SNX4: variants seen among roughly 807,000 people sequenced by gnomAD.
SNX4 encodes sorting nexin 4.
SNX4 carries 49 observed loss-of-function variants against 70.8 expected under a neutral mutation model. The observed-to-expected ratio is 0.69, with a 90% confidence interval of 0.55 to 0.88. The LOEUF (loss-of-function observed/expected upper bound fraction) is 0.88, where lower values mean the gene tolerates loss of function less well. Ranked by LOEUF, SNX4 falls within the 40% of genes least tolerant of loss-of-function variation. The pLI, the probability that SNX4 is intolerant of heterozygous loss-of-function variation, is 0.00. For missense variants in SNX4, 528 were observed against 544.8 expected (o/e 0.97, Z 0.31); for synonymous variants, 206 against 183.8 (o/e 1.12, Z -0.98).
intron 11 of SNX4, among the ~76,000 whole-genome samples, chr3:125,454,234 T>A (rs569396778): frequency 6.6e-6 from 1 of 152,114 alleles, no homozygotes; most frequent in South Asian, 2.1e-4. Flanking sequence ...AGCCACGGAG[T>A]GATACCAGTC....
intron 11 of SNX4, 75 bp from the exon 12 acceptor site, chr3:125,454,030 C>T (rs1933647952): frequency 3.1e-6 from 4 of 1,299,086 alleles, no homozygotes; most frequent in Admixed American, 4.2e-5. Context: ...GAACATTATT[C>T]AGCCTTTAAA....
At chr3:125,501,696 G>A (rs1039244358) in intron 2 of SNX4, among the ~76,000 whole-genome samples, 3 of 151,718 alleles carry the variant, frequency 2.0e-5, no homozygotes, top group African/African-American at 7.3e-5. Flanking sequence ...TAAAATCCTG[G>A]GCCCTACCCC....
At chr3:125,504,841 T>C in intron 1 of SNX4, 97 bp from the exon 2 acceptor site, 1 of 1,353,854 alleles carries the variant, frequency 7.4e-7, no homozygotes, top group Non-Finnish European at 9.8e-7. Context: ...TTATTGGGTT[T>C]ATATATTTCA....
intron 1 of SNX4, 74 bp from the exon 2 acceptor site, chr3:125,504,818 T>A (rs1935012280): frequency 2.0e-6 from 3 of 1,497,770 alleles, no homozygotes; most frequent in Non-Finnish European, 2.7e-6. Flanking sequence ...CTCAGCTATA[T>A]AAATTAAACC....
intron 1 of SNX4, among the ~76,000 whole-genome samples, chr3:125,510,233 G>A (rs1022555704): frequency 6.6e-6 from 1 of 151,740 alleles, no homozygotes; most frequent in African/African-American, 2.4e-5. Flanking sequence ...CAGATGAATG[G>A]ATTTTTTTTT....
chr3:125,470,695 T>C (rs576030256), intron 8 of SNX4, among the ~76,000 whole-genome samples: 54 of 152,042 alleles, frequency 3.6e-4, no homozygotes, highest in African/African-American at 1.3e-3. Context: ...GAATGAAAAA[T>C]ATTAATTACA....
At chr3:125,514,033 G>A (rs1422837316) in intron 1 of SNX4, among the ~76,000 whole-genome samples, 1 of 136,350 alleles carries the variant, frequency 7.3e-6, no homozygotes, top group African/African-American at 2.6e-5. Flanking sequence ...GAGACTTCTG[G>A]ATTTTTTTTT....
At chr3:125,508,811 T>C (rs1002586776) in intron 1 of SNX4, among the ~76,000 whole-genome samples, 1 of 151,904 alleles carries the variant, frequency 6.6e-6, no homozygotes, top group African/African-American at 2.4e-5. Context: ...AAACTGAATA[T>C]CTACATACAA....
At chr3:125,516,669 C>T (rs1355464288) in intron 1 of SNX4, among the ~76,000 whole-genome samples, 1 of 152,094 alleles carries the variant, frequency 6.6e-6, no homozygotes, top group Non-Finnish European at 1.5e-5. Flanking sequence ...GGTGAAACCC[C>T]CTCTTTACTA....
At chr3:125,476,532 T>C (rs888297323) in intron 8 of SNX4, among the ~76,000 whole-genome samples, 163 bp downstream of exon 8, 1 of 152,066 alleles carries the variant, frequency 6.6e-6, no homozygotes, top group African/African-American at 2.4e-5. Context: ...GATCACATCA[T>C]TGCATCAGCC....
intron 6 of SNX4, among the ~76,000 whole-genome samples, chr3:125,482,369 T>A (rs1934431917): frequency 2.6e-5 from 4 of 152,264 alleles, no homozygotes; most frequent in South Asian, 4.1e-4. Flanking sequence ...CCTGAGTGCA[T>A]CTGTATTTCC....
chr3:125,475,807 T>C (rs943658528), intron 8 of SNX4, among the ~76,000 whole-genome samples: 9 of 152,046 alleles, frequency 5.9e-5, no homozygotes, highest in Admixed American at 1.3e-4. Context: ...TAAAGTCCCA[T>C]CTCTGCAAAA....
intron 2 of SNX4, among the ~76,000 whole-genome samples, chr3:125,500,673 G>A (rs1432766079): frequency 6.6e-6 from 1 of 151,446 alleles, no homozygotes; most frequent in Admixed American, 6.6e-5. Flanking sequence ...GTGGTGTTGC[G>A]CGCCTGTAGT....
At chr3:125,452,240 A>G (rs1473654253) in intron 12 of SNX4, among the ~76,000 whole-genome samples, 1 of 151,666 alleles carries the variant, frequency 6.6e-6, no homozygotes, top group Non-Finnish European at 1.5e-5. Context: ...GATTACAGGC[A>G]CACGCCACTG....
intron 1 of SNX4, among the ~76,000 whole-genome samples, chr3:125,507,715 TATCTTCAAAGTGCTAAAAAATA>T (rs1245498882): frequency 6.6e-6 from 1 of 152,202 alleles, no homozygotes; most frequent in Non-Finnish European, 1.5e-5. Flanking sequence ...AGGGAGCTGA[TATCTTCAAAGTGCTAAAAAATA>T]AAAATAACTG....
intron 6 of SNX4, among the ~76,000 whole-genome samples, chr3:125,485,904 G>A (rs151006427): frequency 0.048 from 7,315 of 151,964 alleles, 406 homozygotes; most frequent in African/African-American, 0.13. Flanking sequence ...GCAATGGCGC[G>A]ATCTTGGCTC....
rs369163504 is a variant in SNX4 at position 125,469,442 on chromosome 3, C to T, written c.854+12G>A. On this transcript the variant is annotated intron_variant, in intron 9 of 13. Transcript: ENST00000251775. ...TCACCTCAGGCTTCACAAAAGTTCT[C>T]GAGGTACTTACACATCCATATGATG... The T allele has an allele frequency of 9.4e-6, 15 of 1,601,804 alleles. No individual in the cohort carries two copies. The highest frequency in any genetic ancestry group is 2.2e-5 in the East Asian group (1 of 44,830).
chr3:125,460,787 A>T lies in SNX4; in HGVS notation c.928T>A (p.Tyr310Asn). Residue 310 changes from tyrosine (Y) to asparagine (N), a missense_variant, in exon 10 of 14, where the codon TAT becomes AAT. Tyr to Asn is a moderately radical substitution (Grantham distance 143). This residue lies in a region of SNX4 where 159 missense variants were observed against 172.6 expected (regional missense o/e 0.92). Coordinates refer to ENST00000251775, the MANE Select transcript of SNX4 (RefSeq NM_003794.4). ...TAAACTTACCGCAATGCTTCTGCAT[A>T]AAAAAGATACTCTTTTAACTGATCT... ...YADQLKEYLF[Y>N]AEALRAVCRK... is the part of the protein sequence containing the mutation. The T allele has an allele frequency of 6.4e-7, 1 of 1,553,200 alleles. No homozygotes were observed. The highest frequency in any genetic ancestry group is 8.7e-7 in the Non-Finnish European group (1 of 1,145,348).
chr3:125,459,468 A>T (rs1371039841), intron 10 of SNX4, among the ~76,000 whole-genome samples: 1 of 151,910 alleles, frequency 6.6e-6, no homozygotes, highest in Non-Finnish European at 1.5e-5. Flanking sequence ...ACAGAATCTC[A>T]CTCTGTCACC....
Sources: gnomAD v4.1 joint callset for allele counts (sites outside exome capture counted in the v4.1 genomes callset) on GRCh38, gnomAD v4.1.1 for gene constraint, gnomAD v4.1.1 regional missense constraint, MANE v1.5 for transcripts, NCBI Gene and HGNC (gene_info 2026-07-23, HGNC 2026-07-21) for gene names.